PTPRT: variants seen among roughly 807,000 people sequenced by gnomAD.
PTPRT encodes protein tyrosine phosphatase receptor type T.
A neutral mutation model predicts 176.8 loss-of-function variants in PTPRT; 56 were observed. That is an observed-to-expected ratio of 0.32 (90% CI 0.26 to 0.40). The LOEUF (loss-of-function observed/expected upper bound fraction) is 0.40, where lower values mean the gene tolerates loss of function less well. Ranked by LOEUF, PTPRT falls within the 10% of genes least tolerant of loss-of-function variation. The pLI is 1.00. For missense variants in PTPRT, 1,540 were observed against 1,908.2 expected (o/e 0.81, Z 3.60); for synonymous variants, 783 against 739.0 (o/e 1.06, Z -0.96).
intron 15 of PTPRT, among the ~76,000 whole-genome samples, chr20:42,204,992 T>C (rs1199626006): frequency 6.8e-6 from 1 of 147,058 alleles, no homozygotes; most frequent in Admixed American, 7.0e-5. Context: ...TTTTTTATTA[T>C]ACTTTTAGTT....
At position 42,077,526 on chromosome 20, in the gene PTPRT, A is replaced by AC. The variant is rs1982893633; in HGVS notation, c.*3352dup. 4.6e-6 allele frequency: 1 copy of AC among 218,970 alleles called. No homozygotes were observed. Among genetic ancestry groups the AC allele is most frequent in the East Asian group, 6.6e-5 (1 of 15,176 alleles). The allele number at this position is 218,970 out of a possible 1,614,324, so 13.6% of individuals were successfully genotyped here. A position where few individuals can be genotyped will look rare whatever the true frequency, so the allele number is the denominator to read the frequency against. ...CCTGTAAATGGGGTGGGGTGGGGAG[A>AC]CCCCCTGGGGGTGGTGGTGTTGGCT... On this transcript the variant is annotated 3_prime_UTR_variant, in exon 31 of 31. Coordinates refer to ENST00000373187, the MANE Select transcript of PTPRT (RefSeq NM_007050.6).
chr20:42,179,614 T>G (rs1383079708), intron 16 of PTPRT, among the ~76,000 whole-genome samples: 1 of 152,172 alleles, frequency 6.6e-6, no homozygotes, highest in Non-Finnish European at 1.5e-5. Flanking sequence ...CTAATAAATT[T>G]TCATGCTAAA....
intron 7 of PTPRT, among the ~76,000 whole-genome samples, chr20:42,538,519 G>A (rs374155799): frequency 2.0e-5 from 3 of 152,144 alleles, no homozygotes; most frequent in African/African-American, 7.2e-5. Context: ...CTAATCAGAG[G>A]AGCATCTTGC....
intron 7 of PTPRT, among the ~76,000 whole-genome samples, chr20:42,626,562 C>T (rs1291553301): frequency 6.6e-6 from 1 of 152,206 alleles, no homozygotes; most frequent in African/African-American, 2.4e-5. Context: ...TTGCCCTCTA[C>T]ACTTTTTAGC....
intron 7 of PTPRT, among the ~76,000 whole-genome samples, chr20:42,620,645 T>C (rs2074175810): frequency 6.6e-6 from 1 of 152,152 alleles, no homozygotes; most frequent in Admixed American, 6.5e-5. Flanking sequence ...ATCTCGTGGT[T>C]TGCTGTTTTT....
chr20:42,315,587 A>G (rs1215978148), intron 12 of PTPRT, 136 bp downstream of exon 12: 15 of 1,016,976 alleles, frequency 1.5e-5, no homozygotes, highest in Non-Finnish European at 1.6e-5. Flanking sequence ...TATTTTTTTA[A>G]TTTAAAGGCA....
intron 1 of PTPRT, among the ~76,000 whole-genome samples, chr20:43,146,870 G>T (rs1377756101): frequency 6.6e-6 from 1 of 152,134 alleles, no homozygotes; most frequent in Non-Finnish European, 1.5e-5. Flanking sequence ...GCCCTCAGCT[G>T]TCAATACGAT....
intron 1 of PTPRT, among the ~76,000 whole-genome samples, chr20:43,152,286 T>C (rs893831146): frequency 2.0e-5 from 3 of 152,216 alleles, no homozygotes; most frequent in Non-Finnish European, 4.4e-5. Context: ...ACAGATATCA[T>C]TTTTGCTTCT....
chr20:42,593,497 A>T (rs1214621087), intron 7 of PTPRT, among the ~76,000 whole-genome samples: 1 of 152,126 alleles, frequency 6.6e-6, no homozygotes, highest in South Asian at 2.1e-4. Flanking sequence ...TAGCTTACTT[A>T]TTGCCATTTA....
At chr20:42,292,680 T>C (rs1356683747) in intron 12 of PTPRT, among the ~76,000 whole-genome samples, 4 of 152,182 alleles carry the variant, frequency 2.6e-5, no homozygotes. Context: ...CTTTCTTGGG[T>C]TGCAGGCAGG....
At chr20:42,956,042 C>T (rs1981611815) in intron 1 of PTPRT, among the ~76,000 whole-genome samples, 1 of 152,104 alleles carries the variant, frequency 6.6e-6, no homozygotes, top group South Asian at 2.1e-4. Context: ...GTTCCTGGCC[C>T]TCTGGTTAAA....
intron 7 of PTPRT, among the ~76,000 whole-genome samples, chr20:42,648,820 G>GTTTATTTTTTTGTTTT (rs2074967667): frequency 1.8e-5 from 2 of 111,834 alleles, no homozygotes; most frequent in African/African-American, 7.5e-5. Flanking sequence ...TGGTGTCGTT[G>GTTTATTTTTTTGTTTT]TTTTTTTTTT....
intron 7 of PTPRT, among the ~76,000 whole-genome samples, chr20:42,513,202 GT>G (rs1319071386): frequency 2.0e-4 from 5 of 25,204 alleles, no homozygotes; most frequent in African/African-American, 3.8e-4. Flanking sequence ...TATTGATGGG[GT>G]GTGTGTGTGT....
intron 7 of PTPRT, among the ~76,000 whole-genome samples, chr20:42,480,802 G>A (rs764360170): frequency 2.6e-5 from 4 of 152,090 alleles, no homozygotes; most frequent in South Asian, 2.1e-4. Context: ...GAGGATTAAC[G>A]ATTCCCCAAC....
At chr20:43,083,328 A>G (rs915897185) in intron 1 of PTPRT, among the ~76,000 whole-genome samples, 1,796 of 70,142 alleles carry the variant, frequency 0.026, 266 homozygotes, top group African/African-American at 0.064. Flanking sequence ...ATGTATATAT[A>G]TATATATATA....
chr20:42,220,899 T>A (rs2146788111), intron 15 of PTPRT, among the ~76,000 whole-genome samples: 1 of 152,348 alleles, frequency 6.6e-6, no homozygotes, highest in African/African-American at 2.4e-5. Flanking sequence ...ATGTAGATGA[T>A]AAATTTCATA....
chr20:42,563,118 T>G (rs1283100808), intron 7 of PTPRT, among the ~76,000 whole-genome samples: 1 of 152,084 alleles, frequency 6.6e-6, no homozygotes, highest in Non-Finnish European at 1.5e-5. Context: ...AAAAACTAAA[T>G]AAATTTATTT....
intron 9 of PTPRT, among the ~76,000 whole-genome samples, chr20:42,375,332 T>C (rs2058638037): frequency 1.3e-5 from 2 of 152,140 alleles, no homozygotes; most frequent in South Asian, 4.2e-4. Context: ...CGGTGTAAAT[T>C]TGAACCCTAC....
rs73273406 is a variant in PTPRT at position 42,128,916 on chromosome 20, G to A, written c.2771-86C>T. ...TCCTTTAGAACTACTGTTTATTAAT[G>A]ACTGCATATCAGGCATTGTGCTACT... On this transcript the variant is annotated intron_variant, in intron 18 of 30. Transcript: ENST00000373187. 1.9e-3 allele frequency: 2,186 copies of A among 1,125,452 alleles called. 30 individuals carry two copies. The African/African-American group carries it at 0.031, about 16-fold the overall frequency. The allele number at this position is 1,125,452 out of a possible 1,614,324, so 69.7% of individuals were successfully genotyped here. A position where few individuals can be genotyped will look rare whatever the true frequency, so the allele number is the denominator to read the frequency against.
Sources: allele counts gnomAD v4.1 joint callset (sites outside exome capture counted in the v4.1 genomes callset), GRCh38; gene constraint gnomAD v4.1.1; transcripts MANE v1.5; gene names NCBI Gene and HGNC (gene_info 2026-07-23, HGNC 2026-07-21).